Variants in PRDM1 observed in about 807,000 individuals in gnomAD.
The protein encoded by PRDM1 is PR/SET domain 1, also known as PR domain zinc finger protein 1.
In PRDM1, 13 loss-of-function variants were observed where a neutral mutation model predicts 62.8. The observed-to-expected ratio is 0.21, with a 90% CI of 0.13 to 0.33. The LOEUF (loss-of-function observed/expected upper bound fraction) is 0.33. PRDM1 is among the 10% of genes least tolerant of loss of function. The pLI, the probability that PRDM1 is intolerant of heterozygous loss-of-function variation, is 1.00. For synonymous variants in PRDM1, 396 were observed against 417.6 expected, an observed-to-expected ratio of 0.95 and a Z score of 0.63; for missense variants, 895 against 1,058.8, an observed-to-expected ratio of 0.85 and a Z score of 2.15.
intron 3 of PRDM1, chr6:106,096,099 TGC>T (rs1454923789): frequency 1.1e-5 from 2 of 175,838 alleles, no homozygotes; most frequent in African/African-American, 4.7e-5. Context: ...TTTGATTTCT[TGC>T]TGACTTAACT....
In PRDM1 at chr6:106,108,387, T is replaced by G. The variant is rs1476094829; in HGVS notation, c.*901T>G. ...CATGACTTTTGCATCCATTGTATTA[T>G]CAGAAAATGTGAAGAAGAAAAAAAT... On this transcript the variant is annotated 3_prime_UTR_variant, in exon 7 of 7. Coordinates refer to ENST00000369096, the MANE Select transcript of PRDM1 (RefSeq NM_001198.4). 1 of 233,336 alleles carries G rather than the reference T, an allele frequency of 4.3e-6. No individual in the cohort carries two copies. Among genetic ancestry groups the G allele is most frequent in the Non-Finnish European group, 8.5e-6 (1 of 117,970 alleles). The allele number at this position is 233,336 out of a possible 1,614,324, so 14.5% of individuals were successfully genotyped here.
intron 1 of PRDM1, among the ~76,000 whole-genome samples, chr6:106,061,178 A>G (rs1773339888): frequency 6.9e-6 from 1 of 144,644 alleles, no homozygotes; most frequent in African/African-American, 2.6e-5. Flanking sequence ...CAGCAGTTAG[A>G]TGGTTCCACT....
At chr6:106,062,456 A>C (rs1314698546) in intron 1 of PRDM1, among the ~76,000 whole-genome samples, 3 of 152,210 alleles carry the variant, frequency 2.0e-5, no homozygotes, top group African/African-American at 7.2e-5. Flanking sequence ...ATGTATTTCC[A>C]GTGCTCCAGA....
chr6:105,999,378 A>G (rs2114540745), intron 1 of PRDM1, among the ~76,000 whole-genome samples: 2 of 152,152 alleles, frequency 1.3e-5, no homozygotes, highest in South Asian at 4.1e-4. Flanking sequence ...CAATATAGCA[A>G]GACCCCCATG....
intron 1 of PRDM1, among the ~76,000 whole-genome samples, chr6:106,074,013 G>T (rs1773562662): frequency 6.6e-6 from 1 of 152,184 alleles, no homozygotes; most frequent in Non-Finnish European, 1.5e-5. Context: ...GGGAGGGAAG[G>T]ACCATGGGAA....
rs111413593 is a variant in PRDM1 at position 106,106,240 on chromosome 6, G to A, written c.1774-131G>A. 1,006 of 1,382,012 alleles carry A rather than the reference G, an allele frequency of 7.3e-4. 4 individuals carry two copies. In the African/African-American group the frequency reaches 0.014, roughly 19 times the overall value. The allele number at this position is 1,382,012 out of a possible 1,614,324, so 85.6% of individuals were successfully genotyped here. A position where few individuals can be genotyped will look rare whatever the true frequency, so the allele number is the denominator to read the frequency against. Reference sequence around the variant, plus strand: ...AAAAACACCATTCTGAAAACATGAAGATTTCTTCTTTTTAAGACTGTCTTG... The same window carrying A: ...AAAAACACCATTCTGAAAACATGAAAATTTCTTCTTTTTAAGACTGTCTTG... On this transcript the variant is annotated intron_variant, in intron 5 of 6. Transcript: ENST00000369096. This position sits in a 1 kb window ranked among gnomAD's most constrained non-coding sequence, Gnocchi z 4.4.
intron 1 of PRDM1, among the ~76,000 whole-genome samples, chr6:106,020,920 C>G (rs781445675): frequency 6.6e-6 from 1 of 152,206 alleles, no homozygotes; most frequent in Non-Finnish European, 1.5e-5. Flanking sequence ...AGCAGTCAAA[C>G]CTGCACCCGG....
At chr6:106,055,394 G>A (rs1006898375) in intron 1 of PRDM1, among the ~76,000 whole-genome samples, 2 of 152,122 alleles carry the variant, frequency 1.3e-5, no homozygotes, top group Non-Finnish European at 2.9e-5. Flanking sequence ...AATCGGATCA[G>A]GGCCTAGCAT....
intron 1 of PRDM1, among the ~76,000 whole-genome samples, chr6:106,080,439 C>A (rs902048099): frequency 1.9e-4 from 29 of 152,216 alleles, no homozygotes; most frequent in African/African-American, 5.8e-4. Flanking sequence ...CCTTCCTTCT[C>A]CTCCCCTCAA....
intron 3 of PRDM1, 52 bp downstream of exon 3, chr6:106,095,786 C>G (rs1237019181): frequency 6.3e-7 from 1 of 1,593,738 alleles, no homozygotes; most frequent in African/African-American, 1.3e-5. Context: ...AAAAATGGAG[C>G]TAAAAGAGCT....
At chr6:106,004,885 T>C (rs185916592) in intron 1 of PRDM1, among the ~76,000 whole-genome samples, 1 of 152,288 alleles carries the variant, frequency 6.6e-6, no homozygotes, top group East Asian at 1.9e-4. Flanking sequence ...TCAAAAACAA[T>C]TGTTAAAAAT....
intron 1 of PRDM1, among the ~76,000 whole-genome samples, chr6:105,996,603 A>G (rs1772351641): frequency 6.6e-6 from 1 of 152,214 alleles, no homozygotes; most frequent in African/African-American, 2.4e-5. Flanking sequence ...ATTTTAATAT[A>G]TGCCATATTT....
At chr6:106,093,468 A>G (rs1425262083) in intron 2 of PRDM1, among the ~76,000 whole-genome samples, 1 of 152,226 alleles carries the variant, frequency 6.6e-6, no homozygotes, top group African/African-American at 2.4e-5. Flanking sequence ...TGAAAATATC[A>G]ACTGCTAATT....
At position 106,106,822 on chromosome 6, in the gene PRDM1, G is replaced by A. The variant is rs1434011995; in HGVS notation, c.1903-89G>A. On this transcript the variant is annotated intron_variant, in intron 6 of 6. Coordinates refer to ENST00000369096, the MANE Select transcript of PRDM1 (RefSeq NM_001198.4). This position sits in a 1 kb window ranked among gnomAD's most constrained non-coding sequence, Gnocchi z 4.4. ...TCACCTCCTAGGTTGCTGGGCGTTGGCCGGTAAGCCTGCCCCTCCCGTTGG... is the reference window on the plus strand; with the variant it reads ...TCACCTCCTAGGTTGCTGGGCGTTGACCGGTAAGCCTGCCCCTCCCGTTGG... 4.3e-6 allele frequency: 6 copies of A among 1,401,468 alleles called. No homozygotes were observed. Among genetic ancestry groups the A allele is most frequent in the Non-Finnish European group, 5.8e-6 (6 of 1,028,504 alleles). 86.8% of individuals were successfully genotyped at this position (1,401,468 alleles called of 1,614,324 possible).
intron 2 of PRDM1, among the ~76,000 whole-genome samples, chr6:106,094,300 T>C (rs1430688744): frequency 6.6e-6 from 1 of 152,200 alleles, no homozygotes; most frequent in Non-Finnish European, 1.5e-5. Flanking sequence ...AGGTAGGCTA[T>C]CTTGAATGAG....
intron 1 of PRDM1, among the ~76,000 whole-genome samples, chr6:106,066,129 G>T (rs563869984): frequency 6.6e-6 from 1 of 152,246 alleles, no homozygotes; most frequent in Non-Finnish European, 1.5e-5. Context: ...GTTTCCGCTT[G>T]CTCCTTCCAA....
At chr6:106,029,016 G>T (rs1457711051) in intron 1 of PRDM1, among the ~76,000 whole-genome samples, 1 of 150,936 alleles carries the variant, frequency 6.6e-6, no homozygotes, top group Non-Finnish European at 1.5e-5. Flanking sequence ...CACCTCCTGG[G>T]TTCAAGCGAT....
intron 2 of PRDM1, among the ~76,000 whole-genome samples, chr6:106,090,340 T>C (rs1773930049): frequency 6.6e-6 from 1 of 152,250 alleles, no homozygotes; most frequent in South Asian, 2.1e-4. Flanking sequence ...AGAAGGTCCT[T>C]CGAAACTAAC....
chr6:105,998,117 T>C (rs1365386365), intron 1 of PRDM1, among the ~76,000 whole-genome samples: 1 of 152,236 alleles, frequency 6.6e-6, no homozygotes, highest in African/African-American at 2.4e-5. Context: ...CTGGTTGTGG[T>C]TTTTTTAAGT....
Sources: gnomAD v4.1 joint callset for allele counts (sites outside exome capture counted in the v4.1 genomes callset) on GRCh38, gnomAD v4.1.1 for gene constraint, Gnocchi (gnomAD v3.1) non-coding constraint, MANE v1.5 for transcripts, NCBI Gene and HGNC (gene_info 2026-07-23, HGNC 2026-07-21) for gene names.